CDC14A: variants seen among roughly 807,000 people sequenced by gnomAD.
The protein encoded by CDC14A is dual specificity protein phosphatase CDC14A.
A neutral mutation model predicts 74.4 loss-of-function variants in CDC14A; 53 were observed. That is an observed-to-expected ratio of 0.71 (90% CI 0.57 to 0.89). The LOEUF is 0.89. Ranked by LOEUF, CDC14A falls within the 40% of genes least tolerant of loss-of-function variation. The probability of loss-of-function intolerance (pLI) is 0.00; values close to 1 mark genes in which losing one functional copy is unlikely to be tolerated. For missense variants in CDC14A, 646 were observed against 713.7 expected (o/e 0.91, Z 1.08); for synonymous variants, 247 against 258.4 (o/e 0.96, Z 0.43).
intron 15 of CDC14A, among the ~76,000 whole-genome samples, chr1:100,515,472 C>T (rs1650128934): frequency 6.6e-6 from 1 of 151,480 alleles, no homozygotes; most frequent in African/African-American, 2.4e-5. Context: ...CAGTTTCCGC[C>T]TCCCGGGTTC....
At chr1:100,439,488 A>T (rs1158899113) in intron 5 of CDC14A, among the ~76,000 whole-genome samples, 1 of 152,212 alleles carries the variant, frequency 6.6e-6, no homozygotes, top group Non-Finnish European at 1.5e-5. Flanking sequence ...AAGAATAGTC[A>T]TAATATTTAT....
chr1:100,411,968 A>G (rs1267208243), intron 4 of CDC14A, among the ~76,000 whole-genome samples: 1 of 152,216 alleles, frequency 6.6e-6, no homozygotes, highest in African/African-American at 2.4e-5. Flanking sequence ...AGAACAACAC[A>G]TACAAAGGCT....
chr1:100,346,468 C>G (rs1015177862), intron 1 of CDC14A, among the ~76,000 whole-genome samples: 1 of 151,894 alleles, frequency 6.6e-6, no homozygotes, highest in Non-Finnish European at 1.5e-5. Context: ...CCTGTCTCTA[C>G]AAAAAATTAA....
intron 2 of CDC14A, 101 bp downstream of exon 2, chr1:100,353,953 A>G (rs1041517593): frequency 2.9e-6 from 2 of 679,356 alleles, no homozygotes; most frequent in African/African-American, 3.7e-5. Flanking sequence ...TTTCCCCCCC[A>G]ATGATACGAG....
At chr1:100,434,113 A>G (rs1328192638) in intron 5 of CDC14A, among the ~76,000 whole-genome samples, 1 of 152,220 alleles carries the variant, frequency 6.6e-6, no homozygotes, top group African/African-American at 2.4e-5. Context: ...TTTTTCATTC[A>G]AGAACTATTT....
chr1:100,351,658 C>A, upstream of CDC14A: 1 of 1,282,358 alleles, frequency 7.8e-7, no homozygotes. Context: ...TCAGCGGTCT[C>A]GCCCCGCCCC....
rs2101239039 is a variant in CDC14A, at chr1:100,465,582, T to A, written c.839-2374T>A. On this transcript the variant is annotated intron_variant, in intron 9 of 15. Coordinates refer to ENST00000336454, the MANE Select transcript of CDC14A (RefSeq NM_003672.4). The stretch of plus-strand genomic sequence containing the variant: ...AACTAAAAGAAGGAAGGAGAAAGAA[T>A]CTTATCCTATGTCAAATGAACTTTG... Among the ~76,000 whole-genome samples the A allele has an allele frequency of 1.3e-5, 2 of 152,330 alleles. 1 individual carries two copies. Among genetic ancestry groups the A allele is most frequent in the Middle Eastern group, 6.8e-3 (2 of 294 alleles).
intron 4 of CDC14A, among the ~76,000 whole-genome samples, chr1:100,407,982 TA>T (rs1423360270): frequency 3.3e-5 from 5 of 152,282 alleles, no homozygotes; most frequent in Non-Finnish European, 5.9e-5. Context: ...ATTTGTGTCA[TA>T]GGGGTATGTT....
At chr1:100,512,648 T>C (rs1649877685) in intron 15 of CDC14A, among the ~76,000 whole-genome samples, 1 of 152,148 alleles carries the variant, frequency 6.6e-6, no homozygotes, top group Non-Finnish European at 1.5e-5. Flanking sequence ...AAAGCATATA[T>C]TAAATTTCTC....
intron 4 of CDC14A, among the ~76,000 whole-genome samples, chr1:100,404,156 A>C (rs909502151): frequency 1.8e-4 from 27 of 151,236 alleles, no homozygotes; most frequent in Non-Finnish European, 3.4e-4. Context: ...GCGCCACTGC[A>C]CTCCAGCCTG....
At chr1:100,509,267 A>T (rs28364904) in intron 15 of CDC14A, among the ~76,000 whole-genome samples, 1 of 152,138 alleles carries the variant, frequency 6.6e-6, no homozygotes, top group Admixed American at 6.5e-5. Flanking sequence ...AGACCATAGC[A>T]ATCATGATGT....
chr1:100,357,758 AAAAG>A (rs1212113914), intron 2 of CDC14A, among the ~76,000 whole-genome samples: 6 of 151,648 alleles, frequency 4.0e-5, no homozygotes, highest in African/African-American at 1.5e-4. Flanking sequence ...AAAAAAAAAA[AAAAG>A]AAAGAAATGC....
chr1:100,353,954 A>G (rs1259521341), intron 2 of CDC14A, 102 bp downstream of exon 2: 3 of 673,586 alleles, frequency 4.5e-6, no homozygotes, highest in South Asian at 1.7e-5. Context: ...TTCCCCCCCA[A>G]TGATACGAGT....
intron 8 of CDC14A, among the ~76,000 whole-genome samples, chr1:100,458,418 G>T (rs765416769): frequency 6.6e-6 from 1 of 151,946 alleles, no homozygotes; most frequent in Non-Finnish European, 1.5e-5. Flanking sequence ...TGCATGTATT[G>T]TGCCCTGTCA....
At chr1:100,406,079 C>G (rs1196829864) in intron 4 of CDC14A, among the ~76,000 whole-genome samples, 2 of 152,134 alleles carry the variant, frequency 1.3e-5, no homozygotes, top group Non-Finnish European at 2.9e-5. Context: ...TTCTCACTGG[C>G]ATGAGATGGT....
chr1:100,387,051 T>C (rs182458081), intron 3 of CDC14A, among the ~76,000 whole-genome samples: 1 of 151,914 alleles, frequency 6.6e-6, no homozygotes, highest in East Asian at 1.9e-4. Flanking sequence ...ATATAAAACA[T>C]CAGCTAAACA....
At chr1:100,354,921 G>T (rs1365482182) in intron 2 of CDC14A, among the ~76,000 whole-genome samples, 1 of 152,172 alleles carries the variant, frequency 6.6e-6, no homozygotes, top group Non-Finnish European at 1.5e-5. Flanking sequence ...TTTATTTGGG[G>T]GAAAACAATC....
intron 15 of CDC14A, among the ~76,000 whole-genome samples, chr1:100,513,703 A>G (rs1028214563): frequency 2.0e-5 from 3 of 152,180 alleles, no homozygotes; most frequent in Non-Finnish European, 4.4e-5. Flanking sequence ...TGCCATGATT[A>G]GGTAACTGGG....
chr1:100,440,656 A>G (rs991389996), intron 6 of CDC14A, among the ~76,000 whole-genome samples: 13 of 152,224 alleles, frequency 8.5e-5, no homozygotes, highest in African/African-American at 3.1e-4. Context: ...ATTATCAGTC[A>G]GGAATGTACA....
Sources: allele counts gnomAD v4.1 joint callset (sites outside exome capture counted in the v4.1 genomes callset), GRCh38; gene constraint gnomAD v4.1.1; transcripts MANE v1.5; gene names NCBI Gene and HGNC (gene_info 2026-07-23, HGNC 2026-07-21).